The following INSYN2B variants were observed in gnomAD, a reference collection of about 807,000 sequenced individuals.
The protein encoded by INSYN2B is inhibitory synaptic factor family member 2B, also known as protein INSYN2B.
INSYN2B carries 16 observed loss-of-function variants against 41.2 expected under a neutral mutation model. The observed-to-expected ratio is 0.39, with a 90% CI of 0.26 to 0.59. The LOEUF is 0.59. Among genes scored for constraint, INSYN2B ranks in the 20% least tolerant of loss-of-function variants. INSYN2B has a pLI of 0.57. For synonymous variants in INSYN2B, 245 were observed against 244.4 expected, an observed-to-expected ratio of 1.00 and a Z score of -0.02; for missense variants, 608 against 646.4, an observed-to-expected ratio of 0.94 and a Z score of 0.64.
At chr5:169,908,985 G>A (rs1049051475) in intron 1 of INSYN2B, among the ~76,000 whole-genome samples, 8 of 152,212 alleles carry the variant, frequency 5.3e-5, no homozygotes, top group African/African-American at 7.2e-5. Context: ...GCCTCTGGCA[G>A]AGAGAGCCAC....
At chr5:169,882,528 T>C in intron 2 of INSYN2B, 25 bp downstream of exon 2, 1 of 1,515,754 alleles carries the variant, frequency 6.6e-7, no homozygotes, top group Non-Finnish European at 8.9e-7. Context: ...CAGTCATTTT[T>C]AATATGAAAA....
chr5:169,923,919 C>T (rs990834519), intron 1 of INSYN2B, among the ~76,000 whole-genome samples: 1 of 152,218 alleles, frequency 6.6e-6, no homozygotes, highest in African/African-American at 2.4e-5. Flanking sequence ...CAATCTGCTG[C>T]TCCCTTGGAG....
chr5:169,886,290 G>A (rs543358116), intron 1 of INSYN2B, among the ~76,000 whole-genome samples: 3 of 152,162 alleles, frequency 2.0e-5, no homozygotes, highest in Non-Finnish European at 4.4e-5. Context: ...GAGTGGCATT[G>A]TCACATACCT....
intron 1 of INSYN2B, among the ~76,000 whole-genome samples, chr5:169,916,149 C>T (rs935193275): frequency 7.2e-5 from 11 of 152,146 alleles, no homozygotes; most frequent in Non-Finnish European, 1.5e-4. Context: ...TTTACTCTAC[C>T]GGGCAGAAGC....
At chr5:169,898,212 G>A (rs542248432) in intron 1 of INSYN2B, among the ~76,000 whole-genome samples, 1 of 152,318 alleles carries the variant, frequency 6.6e-6, no homozygotes, top group East Asian at 1.9e-4. Flanking sequence ...GGCTCCCACA[G>A]CTCTACCCCA....
intron 1 of INSYN2B, among the ~76,000 whole-genome samples, chr5:169,902,360 A>C (rs261052): frequency 0.97 from 148,478 of 152,300 alleles, 72,395 homozygotes; most frequent in East Asian, 1. Flanking sequence ...CCAGTGAGCC[A>C]CATTTTAGAA....
Position 169,883,330 on chromosome 5 carries a change from C to T in INSYN2B, c.569G>A (p.Gly190Glu), listed in dbSNP as rs1370730993. The T allele has an allele frequency of 1.3e-6, 2 of 1,551,612 alleles. No homozygotes were observed. The highest frequency in any genetic ancestry group is 1.7e-6 in the Non-Finnish European group (2 of 1,146,942). Residue 190 changes from glycine (G) to glutamate (E), a missense_variant, in exon 2 of 4, where the codon GGA (glycine) becomes GAA (glutamate). Gly to Glu is a moderately conservative substitution (Grantham distance 98). Coordinates refer to ENST00000377365, the MANE Select transcript of INSYN2B (RefSeq NM_001129891.3). ...NGPVSICLEA[G>E]TWRSLEKATA... is the part of the protein sequence containing the mutation. ...GGCTTTCTCTAAGGACCTCCAAGTT[C>T]CTGCTTCCAAGCATATGCTAACAGG...
At chr5:169,906,443 A>G (rs543622582) in intron 1 of INSYN2B, among the ~76,000 whole-genome samples, 1 of 152,320 alleles carries the variant, frequency 6.6e-6, no homozygotes, top group African/African-American at 2.4e-5. Flanking sequence ...CATAGGAGCA[A>G]ACTGAGATTT....
chr5:169,903,311 T>TTA (rs1774054345), intron 1 of INSYN2B, among the ~76,000 whole-genome samples: 1 of 111,084 alleles, frequency 9.0e-6, no homozygotes, highest in Non-Finnish European at 1.8e-5. Context: ...ACAACAACAA[T>TTA]AAAAAAAAAA....
At chr5:169,968,978 G>A (rs1395508463) in intron 1 of INSYN2B, among the ~76,000 whole-genome samples, 1 of 152,148 alleles carries the variant, frequency 6.6e-6, no homozygotes. Flanking sequence ...GTGATACCAT[G>A]CCTCTACAAA....
chr5:169,964,577 C>G (rs1205742145), intron 1 of INSYN2B, among the ~76,000 whole-genome samples: 1 of 152,200 alleles, frequency 6.6e-6, no homozygotes, highest in African/African-American at 2.4e-5. Flanking sequence ...CCACTTTTCT[C>G]AGTGCCCAGA....
intron 1 of INSYN2B, among the ~76,000 whole-genome samples, chr5:169,951,515 C>T (rs1236671370): frequency 2.0e-5 from 3 of 152,204 alleles, no homozygotes; most frequent in Admixed American, 6.5e-5. Flanking sequence ...CTGCTCCATT[C>T]TGGAGGTTCA....
chr5:169,922,156 G>T (rs1775210666), intron 1 of INSYN2B, among the ~76,000 whole-genome samples: 1 of 152,176 alleles, frequency 6.6e-6, no homozygotes, highest in Non-Finnish European at 1.5e-5. Context: ...ATCAATATTT[G>T]CATAGCTAGG....
At chr5:169,954,278 T>C (rs1021531362) in intron 1 of INSYN2B, among the ~76,000 whole-genome samples, 3 of 152,262 alleles carry the variant, frequency 2.0e-5, no homozygotes, top group African/African-American at 7.2e-5. Flanking sequence ...AAGTGAGTGA[T>C]TCTAAGGAAT....
At chr5:169,890,894 C>T (rs1022192435) in intron 1 of INSYN2B, among the ~76,000 whole-genome samples, 4 of 152,146 alleles carry the variant, frequency 2.6e-5, no homozygotes, top group African/African-American at 9.7e-5. Context: ...ATCTGTCCTC[C>T]ACACAGCAGC....
chr5:169,949,447 C>A (rs1022646377), intron 1 of INSYN2B, among the ~76,000 whole-genome samples: 26 of 152,116 alleles, frequency 1.7e-4, no homozygotes, highest in African/African-American at 6.3e-4. Context: ...CCCATTAGCC[C>A]AGTTTGGCTG....
chr5:169,967,677 G>A (rs1777352176), intron 1 of INSYN2B, among the ~76,000 whole-genome samples: 1 of 152,162 alleles, frequency 6.6e-6, no homozygotes, highest in Non-Finnish European at 1.5e-5. Context: ...GACTGCAACA[G>A]GGAGAATTGA....
At chr5:169,942,768 C>G (rs1776292615) in intron 1 of INSYN2B, among the ~76,000 whole-genome samples, 1 of 152,198 alleles carries the variant, frequency 6.6e-6, no homozygotes, top group Non-Finnish European at 1.5e-5. Flanking sequence ...AGATCACCAA[C>G]TAGCCTGCTC....
intron 1 of INSYN2B, among the ~76,000 whole-genome samples, chr5:169,978,510 A>AT (rs889161502): frequency 2.2e-4 from 33 of 151,862 alleles, no homozygotes; most frequent in African/African-American, 8.0e-4. Flanking sequence ...ATGATGATGA[A>AT]TTTTTTAATG....
Sources: allele counts gnomAD v4.1 joint callset (sites outside exome capture counted in the v4.1 genomes callset), GRCh38; gene constraint gnomAD v4.1.1; transcripts MANE v1.5; gene names NCBI Gene and HGNC (gene_info 2026-07-23, HGNC 2026-07-21).